The following NKAIN2 variants were observed in gnomAD, a reference collection of about 807,000 sequenced individuals.
NKAIN2 encodes sodium/potassium-transporting ATPase subunit beta-1-interacting protein 2.
NKAIN2 carries 14 observed loss-of-function variants against 32.6 expected under a neutral mutation model. The observed-to-expected ratio is 0.43, with a 90% CI of 0.28 to 0.67. The LOEUF (loss-of-function observed/expected upper bound fraction) is 0.67. NKAIN2 is among the 30% of genes least tolerant of loss of function. The probability of loss-of-function intolerance (pLI) is 0.17; values close to 1 mark genes in which losing one functional copy is unlikely to be tolerated. For missense variants in NKAIN2, 198 were observed against 258.3 expected, an observed-to-expected ratio of 0.77 and a Z score of 1.60; for synonymous variants, 80 against 87.2, an observed-to-expected ratio of 0.92 and a Z score of 0.46.
intron 3 of NKAIN2, among the ~76,000 whole-genome samples, chr6:124,362,800 T>C (rs1174617915): frequency 6.6e-6 from 1 of 152,130 alleles, no homozygotes; most frequent in Admixed American, 6.6e-5. Flanking sequence ...CCAAAATTTA[T>C]TTTGAAAAAA....
chr6:123,857,490 A>G (rs1349946491), intron 1 of NKAIN2, among the ~76,000 whole-genome samples: 1 of 152,186 alleles, frequency 6.6e-6, no homozygotes, highest in African/African-American at 2.4e-5. Context: ...TTTAAGCAAT[A>G]GGCCATAATA....
intron 1 of NKAIN2, among the ~76,000 whole-genome samples, chr6:124,214,814 C>T (rs1791383733): frequency 6.6e-6 from 1 of 152,162 alleles, no homozygotes; most frequent in South Asian, 2.1e-4. Flanking sequence ...AAAGAATGAT[C>T]TTATCTTTTC....
chr6:124,703,127 A>G (rs1774883211), intron 4 of NKAIN2, among the ~76,000 whole-genome samples: 1 of 152,072 alleles, frequency 6.6e-6, no homozygotes. Context: ...AAAGTCATAA[A>G]CCTTTTACAA....
intron 1 of NKAIN2, among the ~76,000 whole-genome samples, chr6:124,181,956 G>C (rs183845649): frequency 2.0e-5 from 3 of 152,046 alleles, no homozygotes; most frequent in Non-Finnish European, 4.4e-5. Context: ...GAGCAGCACC[G>C]CACCCTACCA....
chr6:124,051,541 A>G (rs1376786562), intron 1 of NKAIN2, among the ~76,000 whole-genome samples: 4 of 151,992 alleles, frequency 2.6e-5, no homozygotes, highest in Non-Finnish European at 5.9e-5. Context: ...CGTCATTTAC[A>G]TTAGGTATAT....
At chr6:124,734,781 C>CA (rs1462984092) in intron 4 of NKAIN2, among the ~76,000 whole-genome samples, 4 of 151,780 alleles carry the variant, frequency 2.6e-5, no homozygotes, top group Non-Finnish European at 5.9e-5. Context: ...GAAGTGGATC[C>CA]AAAATGGCAG....
At chr6:124,343,745 G>C (rs1212959543) in intron 2 of NKAIN2, among the ~76,000 whole-genome samples, 2 of 150,330 alleles carry the variant, frequency 1.3e-5, no homozygotes, top group Admixed American at 1.3e-4. Context: ...TTTGTCAGAA[G>C]AGTAGTTTGC....
At chr6:124,353,334 C>A (rs1798817467) in intron 2 of NKAIN2, among the ~76,000 whole-genome samples, 1 of 152,100 alleles carries the variant, frequency 6.6e-6, no homozygotes, top group African/African-American at 2.4e-5. Flanking sequence ...TGTTGCAGCA[C>A]TAAGCAGGGC....
At chr6:124,710,261 A>C (rs1388601878) in intron 4 of NKAIN2, among the ~76,000 whole-genome samples, 88 of 146,084 alleles carry the variant, frequency 6.0e-4, no homozygotes, top group East Asian at 1.0e-3. Flanking sequence ...GTATGTGGTC[A>C]ATTTTGGAAT....
At chr6:124,194,317 A>G (rs149930431) in intron 1 of NKAIN2, among the ~76,000 whole-genome samples, 123 of 151,958 alleles carry the variant, frequency 8.1e-4, no homozygotes, top group African/African-American at 2.8e-3. Context: ...TAGCCATACC[A>G]TTTTTTTGTG....
At chr6:124,623,363 G>A (rs1783182251) in intron 3 of NKAIN2, among the ~76,000 whole-genome samples, 1 of 152,172 alleles carries the variant, frequency 6.6e-6, no homozygotes, top group South Asian at 2.1e-4. Context: ...AATTATGAGA[G>A]CAGGAAACTC....
intron 4 of NKAIN2, among the ~76,000 whole-genome samples, chr6:124,748,673 C>T: frequency 6.6e-6 from 1 of 151,992 alleles, no homozygotes; most frequent in South Asian, 2.1e-4. Flanking sequence ...GCAGATCTAT[C>T]GTCTTGTTTT....
At chr6:124,238,887 C>G (rs1015128656) in intron 1 of NKAIN2, among the ~76,000 whole-genome samples, 2 of 152,232 alleles carry the variant, frequency 1.3e-5, no homozygotes, top group African/African-American at 4.8e-5. Context: ...GCAAAATAAC[C>G]AGCTAGCATC....
intron 1 of NKAIN2, among the ~76,000 whole-genome samples, chr6:124,275,004 G>A (rs1794963559): frequency 1.3e-5 from 2 of 152,010 alleles, no homozygotes; most frequent in Non-Finnish European, 2.9e-5. Flanking sequence ...CAATATTTTT[G>A]TGCTCTAGAG....
At chr6:123,915,218 A>G (rs910143409) in intron 1 of NKAIN2, among the ~76,000 whole-genome samples, 5 of 152,152 alleles carry the variant, frequency 3.3e-5, no homozygotes, top group Admixed American at 2.0e-4. Flanking sequence ...CAGCTCTCCA[A>G]GGAAAATTTA....
chr6:124,275,184 A>G (rs1393568665), intron 1 of NKAIN2, among the ~76,000 whole-genome samples: 1 of 152,116 alleles, frequency 6.6e-6, no homozygotes, highest in Non-Finnish European at 1.5e-5. Context: ...TATCACAACT[A>G]GAGTATTAGA....
chr6:124,065,503 A>C (rs1186416398), intron 1 of NKAIN2, among the ~76,000 whole-genome samples: 2 of 152,096 alleles, frequency 1.3e-5, no homozygotes, highest in African/African-American at 4.8e-5. Flanking sequence ...TACCCTTATA[A>C]AAGAGATGTG....
chr6:124,823,106 CTTTTTTGT>C, intron 6 of NKAIN2, 106 bp from the exon 7 acceptor site: 3 of 816,354 alleles, frequency 3.7e-6, no homozygotes, highest in Non-Finnish European at 6.4e-6. Flanking sequence ...ATTTGGGCTT[CTTTTTTGT>C]TTGTTTGTTT....
chr6:124,034,755 A>AT (rs1479610704), intron 1 of NKAIN2, among the ~76,000 whole-genome samples: 1 of 151,808 alleles, frequency 6.6e-6, no homozygotes, highest in African/African-American at 2.4e-5. Flanking sequence ...AAAGTGCCCC[A>AT]TTTTTTTCAC....
Sources: gnomAD v4.1 joint callset for allele counts (sites outside exome capture counted in the v4.1 genomes callset) on GRCh38, gnomAD v4.1.1 for gene constraint, MANE v1.5 for transcripts, NCBI Gene and HGNC (gene_info 2026-07-23, HGNC 2026-07-21) for gene names.